The following NEGR1 variants were observed in gnomAD, a reference collection of about 807,000 sequenced individuals.
NEGR1 encodes the protein IgLON family member 4.
NEGR1 carries 10 observed loss-of-function variants against 40.9 expected under a neutral mutation model. The observed-to-expected ratio is 0.24, with a 90% CI of 0.15 to 0.42. The LOEUF is 0.42. Ranked by LOEUF, NEGR1 falls within the 10% of genes least tolerant of loss-of-function variation. NEGR1 has a pLI of 1.00. For missense variants in NEGR1, 352 were observed against 438.9 expected (o/e 0.80, Z 1.77); for synonymous variants, 185 against 166.8 (o/e 1.11, Z -0.84).
intron 1 of NEGR1, among the ~76,000 whole-genome samples, chr1:72,162,848 C>CT (rs1491371675): frequency 6.6e-6 from 1 of 152,168 alleles, no homozygotes; most frequent in Non-Finnish European, 1.5e-5. Context: ...ACAACAAATA[C>CT]TTTTTTGCAT....
At chr1:71,522,906 G>T (rs1647170685) in intron 6 of NEGR1, among the ~76,000 whole-genome samples, 1 of 151,890 alleles carries the variant, frequency 6.6e-6, no homozygotes, top group Non-Finnish European at 1.5e-5. Context: ...GAATTGGAAA[G>T]ATTTTGATTG....
chr1:71,429,988 C>G (rs1646455550), intron 6 of NEGR1, among the ~76,000 whole-genome samples: 1 of 152,174 alleles, frequency 6.6e-6, no homozygotes, highest in Admixed American at 6.5e-5. Context: ...GCCCCTGCCT[C>G]TCTTCTCAGA....
At chr1:71,875,110 G>C (rs1022217813) in intron 2 of NEGR1, among the ~76,000 whole-genome samples, 1 of 152,072 alleles carries the variant, frequency 6.6e-6, no homozygotes, top group African/African-American at 2.4e-5. Flanking sequence ...GCCTTTCAAA[G>C]TGCTGGGGTT....
chr1:71,982,835 T>G (rs1646365132), intron 1 of NEGR1, among the ~76,000 whole-genome samples: 1 of 152,108 alleles, frequency 6.6e-6, no homozygotes, highest in Non-Finnish European at 1.5e-5. Context: ...AAAACTCTAT[T>G]TCGAAGAGGA....
intron 6 of NEGR1, among the ~76,000 whole-genome samples, chr1:71,557,088 C>T (rs1271349137): frequency 6.6e-6 from 1 of 151,658 alleles, no homozygotes; most frequent in East Asian, 1.9e-4. Flanking sequence ...TTTCCCACTA[C>T]AGCCACCCAA....
At chr1:71,801,631 T>C (rs957179780) in intron 2 of NEGR1, among the ~76,000 whole-genome samples, 2 of 152,190 alleles carry the variant, frequency 1.3e-5, no homozygotes, top group African/African-American at 4.8e-5. Context: ...ACTCCACATA[T>C]ATTATCAGAA....
intron 1 of NEGR1, among the ~76,000 whole-genome samples, chr1:72,138,425 A>C (rs1650550665): frequency 1.3e-5 from 2 of 152,018 alleles, no homozygotes; most frequent in Admixed American, 1.3e-4. Flanking sequence ...TTCAGAGGCA[A>C]AGATTGTCAA....
intron 2 of NEGR1, among the ~76,000 whole-genome samples, chr1:71,841,909 G>A (rs1379864279): frequency 6.6e-6 from 1 of 152,130 alleles, no homozygotes; most frequent in Non-Finnish European, 1.5e-5. Context: ...TGATATGCTA[G>A]ATTGAATTTT....
At chr1:72,136,974 A>G (rs1215250915) in intron 1 of NEGR1, among the ~76,000 whole-genome samples, 1 of 152,188 alleles carries the variant, frequency 6.6e-6, no homozygotes, top group Non-Finnish European at 1.5e-5. Context: ...ACATTTATGC[A>G]GCCAACAAAC....
At position 72,271,628 on chromosome 1, in the gene NEGR1, A is replaced by G. The variant is rs118077722; in HGVS notation, c.176+10691T>C. ...GAAGATATACACTTGGATGAAAAAT[A>G]TAATTTTCAAACTTCAATACGTACA... On this transcript the variant is annotated intron_variant, in intron 1 of 6. Coordinates refer to ENST00000357731, the MANE Select transcript of NEGR1 (RefSeq NM_173808.3). 2.6e-4 allele frequency among the ~76,000 whole-genome samples: 40 copies of G among 152,066 alleles called. No individual in the cohort carries two copies. The East Asian group carries it at 7.4e-3, about 28-fold the overall frequency.
rs114519727 is a variant in NEGR1, at chr1:72,278,765, A to G, written c.176+3554T>C. ...ACATGGAAAAAAAGTAAATGTCTCC[A>G]TACAAGATTAACAAGTTCTGTTAAG... On this transcript the variant is annotated intron_variant, in intron 1 of 6. Coordinates refer to ENST00000357731, the MANE Select transcript of NEGR1 (RefSeq NM_173808.3). 1.7e-3 allele frequency among the ~76,000 whole-genome samples: 260 copies of G among 152,254 alleles called. 1 individual carries two copies. Among genetic ancestry groups the G allele is most frequent in the African/African-American group, 6.1e-3 (252 of 41,548 alleles).
Position 71,434,813 on chromosome 1 carries a change from C to T in NEGR1, c.941-27243G>A, listed in dbSNP as rs1277582313. 3.9e-5 allele frequency among the ~76,000 whole-genome samples: 6 copies of T among 152,124 alleles called. No individual in the cohort carries two copies. The East Asian group carries it at 9.7e-4, about 25-fold the overall frequency. ...ATAGTTAAAAAAACAAGGGGGAGGC[C>T]GGGCGCGGTGGCTCACGCCTGTAAT... On this transcript the variant is annotated intron_variant, in intron 6 of 6. Transcript: ENST00000357731.
In NEGR1 at chr1:72,119,696, C is replaced by T. The variant is rs1649725152; in HGVS notation, c.176+162623G>A. Reference sequence around the variant, plus strand: ...ACATGTCTAGAGATATTTTTAGTTGCCACAGCTGGCAGGGGGTTGTTCTTG... The same window carrying T: ...ACATGTCTAGAGATATTTTTAGTTGTCACAGCTGGCAGGGGGTTGTTCTTG... On this transcript the variant is annotated intron_variant, in intron 1 of 6. Transcript: ENST00000357731. 2.0e-5 allele frequency among the ~76,000 whole-genome samples: 3 copies of T among 152,026 alleles called. No homozygotes were observed. In the South Asian group the frequency reaches 6.2e-4, roughly 32 times the overall value.
chr1:71,724,173 T>G (rs1175041178), intron 3 of NEGR1, among the ~76,000 whole-genome samples: 1 of 152,164 alleles, frequency 6.6e-6, no homozygotes, highest in Non-Finnish European at 1.5e-5. Context: ...AAATTCTCTT[T>G]TCTCTGTTTC....
rs111654648 is a variant in NEGR1, at chr1:71,717,203, T to C, written c.536-19064A>G. Among the ~76,000 whole-genome samples, 798 of 152,354 alleles carry C rather than the reference T, an allele frequency of 5.2e-3. 7 individuals are homozygous for C. The highest frequency in any genetic ancestry group is 0.018 in the African/African-American group (765 of 41,582). On this transcript the variant is annotated intron_variant, in intron 3 of 6. Coordinates refer to ENST00000357731, the MANE Select transcript of NEGR1 (RefSeq NM_173808.3). ...TATAACTTATCTGAATATATTTGTC[T>C]ACATATGCTGTAGCCTAATAAAACT...
At chr1:71,457,631 C>G (rs1258509068) in intron 6 of NEGR1, among the ~76,000 whole-genome samples, 6 of 152,192 alleles carry the variant, frequency 3.9e-5, no homozygotes, top group Admixed American at 2.6e-4. Flanking sequence ...TTGGACCTGA[C>G]TTTTTATAAA....
intron 5 of NEGR1, among the ~76,000 whole-genome samples, chr1:71,594,701 T>G (rs879318526): frequency 1.3e-5 from 2 of 152,246 alleles, no homozygotes; most frequent in Non-Finnish European, 2.9e-5. Context: ...ACATTTATGC[T>G]AAATTCCCCT....
chr1:72,248,579 TTATTATTA>T (rs1347766929), intron 1 of NEGR1, among the ~76,000 whole-genome samples: 4 of 107,150 alleles, frequency 3.7e-5, no homozygotes, highest in Admixed American at 1.7e-4. Context: ...TTTTTATTTA[TTATTATTA>T]TTATTATTAT....
At chr1:72,044,668 T>C (rs1434460196) in intron 1 of NEGR1, among the ~76,000 whole-genome samples, 1 of 151,882 alleles carries the variant, frequency 6.6e-6, no homozygotes, top group Admixed American at 6.6e-5. Context: ...TAAACTCTGA[T>C]ATGATAAATT....
Sources: gnomAD v4.1 joint callset for allele counts (sites outside exome capture counted in the v4.1 genomes callset) on GRCh38, gnomAD v4.1.1 for gene constraint, MANE v1.5 for transcripts, NCBI Gene and HGNC (gene_info 2026-07-23, HGNC 2026-07-21) for gene names.